Variants in TSPAN18 observed in about 807,000 individuals in gnomAD.
The protein encoded by TSPAN18 is tetraspanin 18.
Under a neutral mutation model 27.3 loss-of-function variants are expected in TSPAN18, and 14 were observed. That is an observed-to-expected ratio of 0.51 (90% CI 0.34 to 0.80). The LOEUF is 0.80. Among genes scored for constraint, TSPAN18 ranks in the 30% least tolerant of loss-of-function variants. The pLI is 0.01. For missense variants in TSPAN18, 268 were observed against 323.9 expected (o/e 0.83, Z 1.32); for synonymous variants, 143 against 136.5 (o/e 1.05, Z -0.33).
chr11:44,842,981 G>A (rs1468259297), intron 2 of TSPAN18, among the ~76,000 whole-genome samples: 1 of 151,020 alleles, frequency 6.6e-6, no homozygotes, highest in East Asian at 1.9e-4. Flanking sequence ...TCACCTTCAA[G>A]CAATTGTGCC....
chr11:44,825,339 T>C (rs919995649), intron 2 of TSPAN18, among the ~76,000 whole-genome samples: 2 of 152,180 alleles, frequency 1.3e-5, no homozygotes, highest in Non-Finnish European at 2.9e-5. Context: ...TTTTTCCCCA[T>C]TTCACAAATG....
chr11:44,890,876 TA>T (rs1226661392), intron 3 of TSPAN18, among the ~76,000 whole-genome samples: 1 of 152,088 alleles, frequency 6.6e-6, no homozygotes, highest in Non-Finnish European at 1.5e-5. Context: ...AATTTGCTTT[TA>T]AAAAAGTATT....
chr11:44,795,810 G>T (rs1413043870), intron 2 of TSPAN18, among the ~76,000 whole-genome samples: 1 of 152,082 alleles, frequency 6.6e-6, no homozygotes, highest in Admixed American at 6.6e-5. Flanking sequence ...GGCATGAGAT[G>T]CATTGTGCCC....
At chr11:44,894,583 C>T (rs569925873) in intron 3 of TSPAN18, among the ~76,000 whole-genome samples, 2 of 152,318 alleles carry the variant, frequency 1.3e-5, no homozygotes, top group South Asian at 4.1e-4. Context: ...GCCATCTGGG[C>T]GACAGGAGGG....
rs571342636 is a variant in TSPAN18 at position 44,924,619 on chromosome 11, G to A, written c.616-2055G>A. Among the ~76,000 whole-genome samples, 6 of 152,312 alleles carry A rather than the reference G, an allele frequency of 3.9e-5. No homozygotes were observed. In the East Asian group the frequency reaches 7.7e-4, roughly 20 times the overall value. On this transcript the variant is annotated intron_variant, in intron 8 of 9. Transcript: ENST00000520358. ...ACACTGAGGGGATGATGGGAGGGCC[G>A]AGGCATCCCCTGCCAGGGCTGATCC...
intron 3 of TSPAN18, among the ~76,000 whole-genome samples, chr11:44,895,688 G>T (rs915315019): frequency 7.8e-6 from 1 of 128,062 alleles, no homozygotes; most frequent in Admixed American, 7.9e-5. Flanking sequence ...GAGGAGGCAG[G>T]CAACCGCCAG....
At chr11:44,926,532 T>TCAGCAGC in intron 8 of TSPAN18, 142 bp from the exon 9 acceptor site, 1 of 749,364 alleles carries the variant, frequency 1.3e-6, no homozygotes, top group Non-Finnish European at 2.3e-6. Flanking sequence ...CTGCACCCCC[T>TCAGCAGC]CCCCACTGTC....
At chr11:44,744,583 A>G (rs1209573415) in intron 1 of TSPAN18, among the ~76,000 whole-genome samples, 3 of 152,318 alleles carry the variant, frequency 2.0e-5, no homozygotes, top group East Asian at 3.9e-4. Flanking sequence ...TTTGCCATCT[A>G]TAAAAACCAG....
intron 3 of TSPAN18, among the ~76,000 whole-genome samples, chr11:44,892,126 T>G (rs1858872252): frequency 6.6e-6 from 1 of 152,288 alleles, no homozygotes; most frequent in Non-Finnish European, 1.5e-5. Flanking sequence ...TCAACCTTCC[T>G]TCCTATCCCC....
intron 2 of TSPAN18, among the ~76,000 whole-genome samples, chr11:44,859,434 C>T (rs1565180402): frequency 6.6e-6 from 1 of 152,142 alleles, no homozygotes; most frequent in Non-Finnish European, 1.5e-5. Context: ...GGAAAAGATG[C>T]TATTATTATT....
At chr11:44,745,487 A>G (rs868340878) in intron 1 of TSPAN18, among the ~76,000 whole-genome samples, 7 of 152,240 alleles carry the variant, frequency 4.6e-5, no homozygotes, top group African/African-American at 1.7e-4. Context: ...TTCTACTTAT[A>G]TAAAGTTCAA....
chr11:44,833,697 G>A (rs1462658754), intron 2 of TSPAN18, among the ~76,000 whole-genome samples: 1 of 151,982 alleles, frequency 6.6e-6, no homozygotes, highest in Non-Finnish European at 1.5e-5. Context: ...CCCAGGAGCA[G>A]GCAGGTCACC....
intron 1 of TSPAN18, among the ~76,000 whole-genome samples, chr11:44,745,630 G>A (rs12791654): frequency 0.016 from 2,394 of 152,242 alleles, 37 homozygotes; most frequent in Non-Finnish European, 0.02. Context: ...TGGCTGGTGG[G>A]AACATAGGTA....
chr11:44,870,446 A>C (rs1386125991), intron 3 of TSPAN18, among the ~76,000 whole-genome samples: 4 of 152,214 alleles, frequency 2.6e-5, no homozygotes, highest in Non-Finnish European at 2.9e-5. Context: ...AAGAGTTGGA[A>C]GAGCTCATCG....
At chr11:44,901,864 C>T (rs1277746528) in intron 3 of TSPAN18, among the ~76,000 whole-genome samples, 3 of 152,204 alleles carry the variant, frequency 2.0e-5, no homozygotes, top group African/African-American at 7.2e-5. Flanking sequence ...TCAGTGTCCT[C>T]TTCTGTAAAA....
intron 2 of TSPAN18, among the ~76,000 whole-genome samples, chr11:44,826,432 A>G (rs188964088): frequency 1.5e-3 from 222 of 152,344 alleles, no homozygotes; most frequent in Middle Eastern, 3.4e-3. Flanking sequence ...GTCTCAAAAA[A>G]GAAAAGAAAA....
chr11:44,900,985 G>A (rs1429917413), intron 3 of TSPAN18, among the ~76,000 whole-genome samples: 1 of 152,104 alleles, frequency 6.6e-6, no homozygotes, highest in African/African-American at 2.4e-5. Flanking sequence ...GTGAGCCACC[G>A]CGCCCGGCCG....
chr11:44,888,684 A>G (rs2135276591), intron 3 of TSPAN18, among the ~76,000 whole-genome samples: 1 of 152,274 alleles, frequency 6.6e-6, no homozygotes, highest in South Asian at 2.1e-4. Flanking sequence ...TGATTTTGCT[A>G]TGAGCCTCTT....
At chr11:44,762,161 A>G (rs575872612) in intron 1 of TSPAN18, among the ~76,000 whole-genome samples, 1 of 152,282 alleles carries the variant, frequency 6.6e-6, no homozygotes, top group South Asian at 2.1e-4. Flanking sequence ...ACATTTCTAC[A>G]CCAAGATGGG....
Sources: gnomAD v4.1 joint callset for allele counts (sites outside exome capture counted in the v4.1 genomes callset) on GRCh38, gnomAD v4.1.1 for gene constraint, MANE v1.5 for transcripts, NCBI Gene and HGNC (gene_info 2026-07-23, HGNC 2026-07-21) for gene names.